Variants in ETFB observed in about 807,000 individuals in gnomAD.
ETFB encodes beta-ETF.
A neutral mutation model predicts 25.6 loss-of-function variants in ETFB; 20 were observed. That is an observed-to-expected ratio of 0.78 (90% CI 0.55 to 1.14). The LOEUF is 1.14. ETFB is among the 50% of genes most tolerant of loss of function. The pLI, the probability that ETFB is intolerant of heterozygous loss-of-function variation, is 0.00. For synonymous variants in ETFB, 142 were observed against 146.7 expected (o/e 0.97, Z 0.23); for missense variants, 286 against 342.6 (o/e 0.83, Z 1.30).
intron 1 of ETFB, among the ~76,000 whole-genome samples, chr19:51,357,768 G>A (rs1400792250): frequency 6.6e-6 from 1 of 152,164 alleles, no homozygotes; most frequent in Non-Finnish European, 1.5e-5. Flanking sequence ...GGGGATTACA[G>A]GCGTGAGCCA....
At chr19:51,361,514 G>A (rs114654369) in intron 1 of ETFB, among the ~76,000 whole-genome samples, 2,601 of 152,216 alleles carry the variant, frequency 0.017, 87 homozygotes, top group African/African-American at 0.061. Flanking sequence ...GGGCAAGTGC[G>A]TGGAGCCCAA....
At chr19:51,350,091 G>A in intron 4 of ETFB, 1 of 493,192 alleles carries the variant, frequency 2.0e-6, no homozygotes, top group Non-Finnish European at 3.7e-6. Context: ...TGGGGACTGG[G>A]GAACCTAGAG....
At chr19:51,352,990 G>A in intron 3 of ETFB, 142 bp downstream of exon 3, 1 of 985,222 alleles carries the variant, frequency 1.0e-6, no homozygotes, top group Non-Finnish European at 1.6e-6. Flanking sequence ...TCTGTCAGAA[G>A]GGTCAGCAAA....
intron 1 of ETFB, among the ~76,000 whole-genome samples, chr19:51,363,315 C>T (rs1267186478): frequency 3.9e-5 from 6 of 152,014 alleles, no homozygotes; most frequent in Non-Finnish European, 7.4e-5. Flanking sequence ...ACAGAGGATC[C>T]CAATCCAGTC....
chr19:51,349,033 C>A (rs1371740606), intron 4 of ETFB, among the ~76,000 whole-genome samples: 1 of 152,186 alleles, frequency 6.6e-6, no homozygotes, highest in African/African-American at 2.4e-5. Flanking sequence ...ACCATACTGC[C>A]AGTGTCCGTA....
At chr19:51,352,093 T>A (rs1480828889) in intron 3 of ETFB, among the ~76,000 whole-genome samples, 1 of 151,996 alleles carries the variant, frequency 6.6e-6, no homozygotes, top group African/African-American at 2.4e-5. Flanking sequence ...ATGAGCTCCA[T>A]GTACCCCTAT....
chr19:51,364,948 G>T (rs1399168940), intron 1 of ETFB, among the ~76,000 whole-genome samples: 4 of 152,178 alleles, frequency 2.6e-5, no homozygotes, highest in Non-Finnish European at 4.4e-5. Context: ...CAGCACTTTG[G>T]GGGGCCGAGG....
intron 4 of ETFB, 83 bp from the exon 5 acceptor site, chr19:51,347,141 A>G (rs1226631028): frequency 7.4e-7 from 1 of 1,356,990 alleles, no homozygotes; most frequent in African/African-American, 1.4e-5. Flanking sequence ...ACTACTGAGT[A>G]CACGCATGGA....
intron 1 of ETFB, among the ~76,000 whole-genome samples, chr19:51,362,478 T>C (rs1986256889): frequency 6.6e-6 from 1 of 152,174 alleles, no homozygotes; most frequent in Admixed American, 6.5e-5. Flanking sequence ...CTCAGGAGGC[T>C]GAGGCAGAGT....
intron 5 of ETFB, 101 bp from the exon 6 acceptor site, chr19:51,345,482 G>C: frequency 1.6e-6 from 2 of 1,223,052 alleles, no homozygotes; most frequent in South Asian, 2.5e-5. Context: ...AGTCCCATGG[G>C]CTGAACCCTC....
downstream of ETFB, chr19:51,345,167 G>T: frequency 6.3e-7 from 1 of 1,592,000 alleles, no homozygotes; most frequent in Non-Finnish European, 8.6e-7. Flanking sequence ...AGTTAACAGA[G>T]ATAGATGTTG....
chr19:51,353,254 G>T lies in ETFB; in HGVS notation c.253C>A (p.Arg85=), dbSNP rs187424345. 48 of 1,614,042 alleles carry T rather than the reference G, an allele frequency of 3.0e-5. No individual in the cohort carries two copies. In the Middle Eastern group the frequency reaches 9.9e-4, roughly 33 times the overall value. ...GGGGGCACCTCCACGTGGATACCTC[G>T]GTCTGCACCCATGGCCAGGGCGGTA... ...IRTALAMGAD[R]GIHVEVPPAE... is the part of the protein sequence containing the mutation. The change falls in exon 3 of 6, where the codon CGA becomes AGA. Residue 85 remains arginine, a synonymous_variant. Coordinates refer to ENST00000309244, the MANE Select transcript of ETFB (RefSeq NM_001985.3).
Position 51,346,887 on chromosome 19 carries a change from GC to G in ETFB, c.597+12del. 1 of 1,548,040 alleles carries G rather than the reference GC, an allele frequency of 6.5e-7. No homozygotes were observed. ...ACCCCCAGGCCCTCAGTGCCCGCTGGCCAGGGGCTCACCATGATGTTGGGCA... is the reference window on the plus strand; with the variant it reads ...ACCCCCAGGCCCTCAGTGCCCGCTGGCAGGGGCTCACCATGATGTTGGGCA... On this transcript the variant is annotated intron_variant, in intron 5 of 5. Transcript: ENST00000309244.
intron 4 of ETFB, among the ~76,000 whole-genome samples, chr19:51,349,957 G>A (rs1237099204): frequency 6.6e-6 from 1 of 152,066 alleles, no homozygotes; most frequent in Non-Finnish European, 1.5e-5. Flanking sequence ...ATGTTGACCA[G>A]GCTGGTCTCA....
At chr19:51,345,576 T>G in intron 5 of ETFB, 195 bp from the exon 6 acceptor site, 1 of 628,852 alleles carries the variant, frequency 1.6e-6, no homozygotes. Context: ...TAGGAGGCCC[T>G]GGGAGGCCCA....
At chr19:51,353,892 CCAGGAGTCCAGGGCCCCATCCCCTCCT>C in intron 2 of ETFB, among the ~76,000 whole-genome samples, 1 of 70,392 alleles carries the variant, frequency 1.4e-5, no homozygotes, top group Non-Finnish European at 3.0e-5. Flanking sequence ...TTCCTCAGAC[CCAGGAGTCCAGGGCCCCATCCCCTCCT>C]TCCTCAGACC....
intron 1 of ETFB, among the ~76,000 whole-genome samples, chr19:51,363,330 G>A (rs770228948): frequency 1.3e-5 from 2 of 152,134 alleles, no homozygotes; most frequent in Admixed American, 6.6e-5. Flanking sequence ...CCAGTCTGGC[G>A]AGGGCTGATG....
rs1249159210 is a variant in ETFB, at chr19:51,353,205, G to A, written c.302C>T (p.Pro101Leu). 6.2e-7 allele frequency: 1 copy of A among 1,613,998 alleles called. No individual in the cohort carries two copies. The highest frequency in any genetic ancestry group is 8.5e-7 in the Non-Finnish European group (1 of 1,180,016). Residue 101 changes from proline to leucine, a missense_variant, in exon 3 of 6, where the codon CCC becomes CTC. Pro to Leu is a moderately conservative substitution (Grantham distance 98, BLOSUM62 -3). Coordinates refer to ENST00000309244, the MANE Select transcript of ETFB (RefSeq NM_001985.3). ...VPPAEAERLGPLQVARVLAKL... is the reference protein window; with the variant it reads ...VPPAEAERLGLLQVARVLAKL... ...GGCCAGGACCCGAGCCACCTGCAGG[G>A]GACCCAAGCGTTCTGCTTCTGCTGG...
intron 1 of ETFB, among the ~76,000 whole-genome samples, chr19:51,362,676 T>A (rs28705154): frequency 6.6e-6 from 1 of 152,194 alleles, no homozygotes. Flanking sequence ...ATCATCCCCA[T>A]TGTACAGAGT....
Sources: gnomAD v4.1 joint callset for allele counts (sites outside exome capture counted in the v4.1 genomes callset) on GRCh38, gnomAD v4.1.1 for gene constraint, MANE v1.5 for transcripts, NCBI Gene and HGNC (gene_info 2026-07-23, HGNC 2026-07-21) for gene names.